Variants in CYTH2 observed in about 807,000 individuals in gnomAD.
CYTH2 encodes the protein cytohesin-2.
In CYTH2, 24 loss-of-function variants were observed where a neutral mutation model predicts 55.4. The observed-to-expected ratio is 0.43, with a 90% CI of 0.31 to 0.61. CYTH2 has a LOEUF of 0.61. Among genes scored for constraint, CYTH2 ranks in the 20% least tolerant of loss-of-function variants. The probability of loss-of-function intolerance (pLI) is 0.08; values close to 1 mark genes in which losing one functional copy is unlikely to be tolerated. For synonymous variants in CYTH2, 221 were observed against 209.6 expected, an observed-to-expected ratio of 1.05 and a Z score of -0.47; for missense variants, 378 against 533.5, an observed-to-expected ratio of 0.71 and a Z score of 2.87.
rs549177599 is a variant in CYTH2, at chr19:48,478,503, G to A, written c.1023G>A (p.Ala341=). 75 of 1,614,104 alleles carry A rather than the reference G, an allele frequency of 4.6e-5. No homozygotes were observed. In the East Asian group the frequency reaches 4.9e-4, roughly 11 times the overall value. The change falls in exon 11 of 12, where the codon GCG becomes GCA. Residue 341 remains alanine (A), a synonymous_variant. Transcript: ENST00000452733. ...GQLIKACKTE[A]DGRVVEGNHM... ...TCATCAAAGCCTGCAAAACTGAGGC[G>A]GACGGCCGAGTGGTGGAGGGAAACC... is the stretch of plus-strand genomic sequence containing the variant.
rs1174825991 is a variant in CYTH2, at chr19:48,480,026, G to T, written c.*816G>T. ...GTCAAGGATAGGGCTGAGGACCTGCGTTCTGAACGTCTTTCCTGGGATTCT... is the reference window on the plus strand; with the variant it reads ...GTCAAGGATAGGGCTGAGGACCTGCTTTCTGAACGTCTTTCCTGGGATTCT... On this transcript the variant is annotated 3_prime_UTR_variant, in exon 12 of 12. Transcript: ENST00000452733. The T allele has an allele frequency of 6.6e-6, 1 of 152,280 alleles. No homozygotes were observed. The highest frequency in any genetic ancestry group is 6.5e-5 in the Admixed American group (1 of 15,282). The allele number at this position is 152,280 out of a possible 1,614,324, so 9.4% of individuals were successfully genotyped here. A position where few individuals can be genotyped will look rare whatever the true frequency, so the allele number is the denominator to read the frequency against.
Position 48,474,445 on chromosome 19 carries a change from G to T in CYTH2, c.696+115G>T. 9.0e-7 allele frequency: 1 copy of T among 1,114,034 alleles called. No homozygotes were observed. 69.0% of individuals were successfully genotyped at this position (1,114,034 alleles called of 1,614,324 possible). A position where few individuals can be genotyped will look rare whatever the true frequency, so the allele number is the denominator to read the frequency against. ...TCTGCCCTCACCCCCAAGATGGTGC[G>T]ATCATGCCAACTCGTGTGTGATCTT... On this transcript the variant is annotated intron_variant, in intron 7 of 11. Coordinates refer to ENST00000452733, the MANE Select transcript of CYTH2 (RefSeq NM_004228.7). The surrounding 1 kb of genome is among the most constrained non-coding windows in gnomAD (Gnocchi z 4.9).
In CYTH2 at chr19:48,480,739, C is replaced by G. The variant is rs1288448458; in HGVS notation, c.*1529C>G. ...TGAGAAAATAGAATTCCCCACTTCT[C>G]TTTCCCACAGGTGCCAGGGAAACGG... is the stretch of plus-strand genomic sequence containing the variant. On this transcript the variant is annotated 3_prime_UTR_variant, in exon 12 of 12. Transcript: ENST00000452733. The G allele has an allele frequency of 6.6e-6, 1 of 152,268 alleles. No individual in the cohort carries two copies. The highest frequency in any genetic ancestry group is 1.5e-5 in the Non-Finnish European group (1 of 68,058). The allele number at this position is 152,268 out of a possible 1,614,324, so 9.4% of individuals were successfully genotyped here.
At chr19:48,478,713 G>A (rs11882696) in intron 11 of CYTH2, 121 bp downstream of exon 11, 13,236 of 684,286 alleles carry the variant, frequency 0.019, 743 homozygotes, top group African/African-American at 0.12. Context: ...GGGCCTGGAC[G>A]CCTGGGTCTG....
rs1409450298 is a variant in CYTH2, at chr19:48,480,035, G to A, written c.*825G>A. 1 of 152,264 alleles carries A rather than the reference G, an allele frequency of 6.6e-6. No homozygotes were observed. The highest frequency in any genetic ancestry group is 1.5e-5 in the Non-Finnish European group (1 of 68,064). 9.4% of individuals were successfully genotyped at this position (152,264 alleles called of 1,614,324 possible). A position where few individuals can be genotyped will look rare whatever the true frequency, so the allele number is the denominator to read the frequency against. On this transcript the variant is annotated 3_prime_UTR_variant, in exon 12 of 12. Coordinates refer to ENST00000452733, the MANE Select transcript of CYTH2 (RefSeq NM_004228.7). ...AGGGCTGAGGACCTGCGTTCTGAAC[G>A]TCTTTCCTGGGATTCTTGACAGCCA... is the stretch of plus-strand genomic sequence containing the variant.
chr19:48,479,186 CAAG>C lies in CYTH2; in HGVS notation c.1183_1185del (p.Lys395del), dbSNP rs751832813. 4 of 1,613,884 alleles carry C rather than the reference CAAG, an allele frequency of 2.5e-6. No homozygotes were observed. In the East Asian group the frequency reaches 6.7e-5, roughly 27 times the overall value. On this transcript the variant is annotated inframe_deletion, in exon 12 of 12. Coordinates refer to ENST00000452733, the MANE Select transcript of CYTH2 (RefSeq NM_004228.7). The stretch of plus-strand genomic sequence containing the variant: ...CAGCGAGAAAGAAGCGGATTTCAGT[CAAG>C]AAGAAGCAGGAGCAGCCCTGACCCC...
chr19:48,473,453 TACTC>T (rs1222053372), intron 5 of CYTH2, 75 bp downstream of exon 5: 4 of 1,485,424 alleles, frequency 2.7e-6, no homozygotes, highest in Admixed American at 1.7e-5. Context: ...TGACAAACCT[TACTC>T]AAGAAAAAAA....
At position 48,474,638 on chromosome 19, in the gene CYTH2, C is replaced by G. The variant is rs1004253128; in HGVS notation, c.697-200C>G. 2.6e-5 allele frequency among the ~76,000 whole-genome samples: 4 copies of G among 152,100 alleles called. No individual in the cohort carries two copies. The highest frequency in any genetic ancestry group is 6.6e-5 in the Admixed American group (1 of 15,264). The stretch of plus-strand genomic sequence containing the variant: ...CTGAGGACGTAGCCGGCTCCTCCAC[C>G]TATCACCAGGGCATCTCTTCTTTCC... On this transcript the variant is annotated intron_variant, in intron 7 of 11. Coordinates refer to ENST00000452733, the MANE Select transcript of CYTH2 (RefSeq NM_004228.7). This position sits in a 1 kb window ranked among gnomAD's most constrained non-coding sequence, Gnocchi z 4.9.
chr19:48,479,522 T>C lies in CYTH2; in HGVS notation c.*312T>C. 1 of 372,672 alleles carries C rather than the reference T, an allele frequency of 2.7e-6. No homozygotes were observed. The highest frequency in any genetic ancestry group is 2.0e-5 in the African/African-American group (1 of 49,452). The allele number at this position is 372,672 out of a possible 1,614,324, so 23.1% of individuals were successfully genotyped here. On this transcript the variant is annotated 3_prime_UTR_variant, in exon 12 of 12. Coordinates refer to ENST00000452733, the MANE Select transcript of CYTH2 (RefSeq NM_004228.7). ...GGCTGTCCCGGTGGGTCTGTTCTGG[T>C]TTCACCCCGAGCCCAGCAGGAGTGG...
chr19:48,478,035 G>A, intron 8 of CYTH2, 34 bp from the exon 9 acceptor site: 1 of 1,591,288 alleles, frequency 6.3e-7, no homozygotes, highest in Non-Finnish European at 8.6e-7. Flanking sequence ...TCCCCCTGTT[G>A]AGCCCAGGCC....
At chr19:48,473,011 T>C (rs1249738722) in intron 4 of CYTH2, 2 of 387,660 alleles carry the variant, frequency 5.2e-6, no homozygotes, top group Admixed American at 7.9e-5. Context: ...TGGGGATCAT[T>C]TGAGAGAGGT....
chr19:48,479,570 G>T lies in CYTH2; in HGVS notation c.*360G>T. The T allele has an allele frequency of 4.1e-6, 1 of 243,192 alleles. No homozygotes were observed. The highest frequency in any genetic ancestry group is 7.6e-5 in the South Asian group (1 of 13,168). The allele number at this position is 243,192 out of a possible 1,614,324, so 15.1% of individuals were successfully genotyped here. ...TGGAGTAAAGGGAGAAGGTTAATAT[G>T]GTGGGAGTCTGGAGTTGGAATTGGC... On this transcript the variant is annotated 3_prime_UTR_variant, in exon 12 of 12. Transcript: ENST00000452733.
chr19:48,478,007 C>T lies in CYTH2; in HGVS notation c.809-62C>T, dbSNP rs533293434. 12 of 1,390,832 alleles carry T rather than the reference C, an allele frequency of 8.6e-6. No homozygotes were observed. The South Asian group carries it at 1.3e-4, about 15-fold the overall frequency. 86.2% of individuals were successfully genotyped at this position (1,390,832 alleles called of 1,614,324 possible). A position where few individuals can be genotyped will look rare whatever the true frequency, so the allele number is the denominator to read the frequency against. On this transcript the variant is annotated intron_variant, in intron 8 of 11. Coordinates refer to ENST00000452733, the MANE Select transcript of CYTH2 (RefSeq NM_004228.7). Reference sequence around the variant, plus strand: ...CTTGCTCTGCTTCTCACGCCCCTCCCATCTCCCAGAGGCCCTGTCCCCCTG... The same window carrying T: ...CTTGCTCTGCTTCTCACGCCCCTCCTATCTCCCAGAGGCCCTGTCCCCCTG...
At position 48,474,393 on chromosome 19, in the gene CYTH2, A is replaced by G. The variant is rs1434176696; in HGVS notation, c.696+63A>G. 3 of 1,301,204 alleles carry G rather than the reference A, an allele frequency of 2.3e-6. No homozygotes were observed. 80.6% of individuals were successfully genotyped at this position (1,301,204 alleles called of 1,614,324 possible). Reference sequence around the variant, plus strand: ...TTCCTGCCACAGACACCCCCGCCCCACCTGTGGTCTCCTAGTGCCCAAGCT... The same window carrying G: ...TTCCTGCCACAGACACCCCCGCCCCGCCTGTGGTCTCCTAGTGCCCAAGCT... On this transcript the variant is annotated intron_variant, in intron 7 of 11. Transcript: ENST00000452733. The surrounding 1 kb of genome is among the most constrained non-coding windows in gnomAD (Gnocchi z 4.9).
Position 48,474,130 on chromosome 19 carries a change from G to A in CYTH2, c.548-52G>A. The A allele has an allele frequency of 1.9e-6, 3 of 1,555,494 alleles. No homozygotes were observed. The highest frequency in any genetic ancestry group is 2.6e-6 in the Non-Finnish European group (3 of 1,149,480). ...GAATCCTGGGTCCTGGGGAATGGGG[G>A]CACTGGGGACTGACATGCCTGGGTC... On this transcript the variant is annotated intron_variant, in intron 6 of 11. Transcript: ENST00000452733. This position sits in a 1 kb window ranked among gnomAD's most constrained non-coding sequence, Gnocchi z 4.9.
chr19:48,472,984 T>C (rs754360213), intron 4 of CYTH2: 3 of 355,298 alleles, frequency 8.4e-6, no homozygotes, highest in Non-Finnish European at 1.6e-5. Context: ...GGGCTGTGTC[T>C]GGATACCTGG....
chr19:48,470,583 C>T lies in CYTH2; in HGVS notation c.168-20C>T, dbSNP rs1971773376. On this transcript the variant is annotated intron_variant, in intron 2 of 11. Coordinates refer to ENST00000452733, the MANE Select transcript of CYTH2 (RefSeq NM_004228.7). ...CAGGCATTGACCCTCCACCCCCAAC[C>T]CTGCTCTCTGCTCCTGCAGTAAGAC... is the stretch of plus-strand genomic sequence containing the variant. 7 of 1,614,246 alleles carry T rather than the reference C, an allele frequency of 4.3e-6. No individual in the cohort carries two copies. The highest frequency in any genetic ancestry group is 5.9e-6 in the Non-Finnish European group (7 of 1,180,042).
At chr19:48,472,691 C>A in intron 4 of CYTH2, 1 of 546,660 alleles carries the variant, frequency 1.8e-6, no homozygotes, top group Non-Finnish European at 3.4e-6. Context: ...GGGGAAGCAT[C>A]CATTTATGTC....
At chr19:48,475,294 AC>A (rs1302517332) in intron 8 of CYTH2, 1 of 246,148 alleles carries the variant, frequency 4.1e-6, no homozygotes, top group Non-Finnish European at 7.8e-6. Context: ...CACTGCGTTA[AC>A]CCAGCCCGAG....
Sources: allele counts gnomAD v4.1 joint callset (sites outside exome capture counted in the v4.1 genomes callset), GRCh38; gene constraint gnomAD v4.1.1; non-coding constraint Gnocchi (gnomAD v3.1); transcripts MANE v1.5; gene names NCBI Gene and HGNC (gene_info 2026-07-23, HGNC 2026-07-21).